The following PRKCE variants were observed in gnomAD, a reference collection of about 807,000 sequenced individuals.
The protein encoded by PRKCE is protein kinase C epsilon type.
A neutral mutation model predicts 85.4 loss-of-function variants in PRKCE; 16 were observed. That is an observed-to-expected ratio of 0.19 (90% CI 0.13 to 0.28). The LOEUF (loss-of-function observed/expected upper bound fraction) is 0.28, where lower values mean the gene tolerates loss of function less well. Ranked by LOEUF, PRKCE falls within the 10% of genes least tolerant of loss-of-function variation. The pLI is 1.00. For synonymous variants in PRKCE, 388 were observed against 371.5 expected (o/e 1.04, Z -0.51); for missense variants, 573 against 975.2 (o/e 0.59, Z 5.49).
intron 1 of PRKCE, among the ~76,000 whole-genome samples, chr2:45,704,326 A>T (rs78067594): frequency 0.022 from 3,301 of 152,142 alleles, 44 homozygotes; most frequent in Non-Finnish European, 0.036. Context: ...TTGTCCCCTG[A>T]ATATTCTGTA....
chr2:46,161,785 G>A (rs1181787335), intron 14 of PRKCE, among the ~76,000 whole-genome samples: 1 of 152,098 alleles, frequency 6.6e-6, no homozygotes, highest in African/African-American at 2.4e-5. Context: ...CTCTCCCTGA[G>A]GTATAGCAGA....
At chr2:45,987,416 C>T (rs1489427738) in intron 6 of PRKCE, among the ~76,000 whole-genome samples, 1 of 152,194 alleles carries the variant, frequency 6.6e-6, no homozygotes, top group Non-Finnish European at 1.5e-5. Flanking sequence ...TATTACTTGG[C>T]CTTTTTTTCC....
In PRKCE at chr2:45,698,275, A is replaced by G. The variant is rs542620525; in HGVS notation, c.348+45827A>G. Among the ~76,000 whole-genome samples the G allele has an allele frequency of 2.2e-4, 34 of 152,304 alleles. 1 individual carries two copies. The highest frequency in any genetic ancestry group is 7.5e-4 in the African/African-American group (31 of 41,556). On this transcript the variant is annotated intron_variant, in intron 1 of 14. Coordinates refer to ENST00000306156, the MANE Select transcript of PRKCE (RefSeq NM_005400.3). Reference sequence around the variant, plus strand: ...GGTGGTAGGTGAATTTGGTGGAATCATTTTCTACCAGCATCCTAAAATCAT... The same window carrying G: ...GGTGGTAGGTGAATTTGGTGGAATCGTTTTCTACCAGCATCCTAAAATCAT...
intron 1 of PRKCE, chr2:45,770,660 G>T (rs548547509): frequency 2.2e-4 from 33 of 152,336 alleles, no homozygotes; most frequent in African/African-American, 7.2e-4. Context: ...GGTGGATGAT[G>T]AAATTGAGAC....
chr2:45,955,918 T>C (rs570660920), intron 2 of PRKCE, among the ~76,000 whole-genome samples: 49 of 152,196 alleles, frequency 3.2e-4, no homozygotes, highest in Non-Finnish European at 5.7e-4. Context: ...ATAGAATAGT[T>C]CCATCACCTC....
intron 2 of PRKCE, among the ~76,000 whole-genome samples, chr2:45,963,176 G>C (rs532101330): frequency 6.6e-6 from 1 of 152,222 alleles, no homozygotes; most frequent in South Asian, 2.1e-4. Flanking sequence ...TTCCTGATCA[G>C]TAGGAACCAA....
chr2:45,661,530 GT>G lies in PRKCE; in HGVS notation c.348+9099del, dbSNP rs11406618. Among the ~76,000 whole-genome samples, 372 of 104,852 alleles carry G rather than the reference GT, an allele frequency of 3.5e-3. 4 individuals carry two copies. The highest frequency in any genetic ancestry group is 0.011 in the African/African-American group (314 of 28,472). The allele number at this position is 104,852 out of a possible 152,430, so 68.8% of individuals were successfully genotyped here. On this transcript the variant is annotated intron_variant, in intron 1 of 14. Transcript: ENST00000306156. The stretch of plus-strand genomic sequence containing the variant: ...TGTTTTGTTTTGTTTTTTGTTTTTT[GT>G]TTTTTTTTTTTTTTTTAGAAGGAGT...
At chr2:46,053,608 C>G (rs1297591298) in intron 10 of PRKCE, among the ~76,000 whole-genome samples, 2 of 152,184 alleles carry the variant, frequency 1.3e-5, no homozygotes, top group Non-Finnish European at 2.9e-5. Context: ...CAGTATCTAT[C>G]TTTTTGTGTC....
chr2:45,691,171 A>G (rs899045946), intron 1 of PRKCE, among the ~76,000 whole-genome samples: 1 of 152,212 alleles, frequency 6.6e-6, no homozygotes, highest in African/African-American at 2.4e-5. Flanking sequence ...TGTGTCCGTC[A>G]GTGGGCTGGG....
chr2:45,839,796 C>CCT (rs1484552592), intron 1 of PRKCE, among the ~76,000 whole-genome samples: 1 of 152,262 alleles, frequency 6.6e-6, no homozygotes, highest in Non-Finnish European at 1.5e-5. Context: ...CTCAGAGCTT[C>CCT]CTCGCTTGGC....
chr2:45,852,944 A>G (rs1692390913), intron 2 of PRKCE, among the ~76,000 whole-genome samples: 1 of 152,138 alleles, frequency 6.6e-6, no homozygotes, highest in Non-Finnish European at 1.5e-5. Context: ...CTCCCAGGAG[A>G]TGTCTGTGCT....
intron 1 of PRKCE, among the ~76,000 whole-genome samples, chr2:45,719,167 G>T (rs554597794): frequency 1.8e-4 from 28 of 152,354 alleles, no homozygotes; most frequent in Non-Finnish European, 3.7e-4. Context: ...CTGTCATCCT[G>T]TGCTTGGGGA....
chr2:45,971,206 C>G (rs1376165115), intron 2 of PRKCE, among the ~76,000 whole-genome samples: 1 of 152,188 alleles, frequency 6.6e-6, no homozygotes, highest in African/African-American at 2.4e-5. Flanking sequence ...CACCACCATT[C>G]TGCTCTCTTG....
chr2:46,163,935 G>T (rs1172809366), intron 14 of PRKCE, among the ~76,000 whole-genome samples: 3 of 150,516 alleles, frequency 2.0e-5, no homozygotes, highest in Non-Finnish European at 3.0e-5. Flanking sequence ...GGAAGCTGAG[G>T]CGCACCCCAC....
chr2:45,960,507 C>G (rs889744969), intron 2 of PRKCE, among the ~76,000 whole-genome samples: 3 of 152,116 alleles, frequency 2.0e-5, no homozygotes, highest in African/African-American at 7.2e-5. Context: ...TAAGAAGCCC[C>G]CAACCTAGAT....
chr2:46,063,502 C>T (rs897042964), intron 10 of PRKCE, among the ~76,000 whole-genome samples: 2 of 152,160 alleles, frequency 1.3e-5, no homozygotes, highest in Non-Finnish European at 2.9e-5. Flanking sequence ...CTTTTGAGCA[C>T]AGACTCCCAG....
intron 1 of PRKCE, among the ~76,000 whole-genome samples, chr2:45,762,058 C>G (rs1260170917): frequency 6.6e-6 from 1 of 152,184 alleles, no homozygotes; most frequent in Non-Finnish European, 1.5e-5. Flanking sequence ...TTGGCGTGCA[C>G]CATTCAGCCA....
At chr2:45,868,697 C>T (rs1693826329) in intron 2 of PRKCE, among the ~76,000 whole-genome samples, 1 of 149,952 alleles carries the variant, frequency 6.7e-6, no homozygotes, top group South Asian at 2.1e-4. Flanking sequence ...CTTTGGGAGG[C>T]AGGCCGAGGT....
intron 2 of PRKCE, among the ~76,000 whole-genome samples, chr2:45,896,808 G>T (rs1008494292): frequency 6.6e-6 from 1 of 152,176 alleles, no homozygotes; most frequent in Non-Finnish European, 1.5e-5. Flanking sequence ...ATGACTGAGG[G>T]TACCGTGGCT....
Sources: allele counts gnomAD v4.1 joint callset (sites outside exome capture counted in the v4.1 genomes callset), GRCh38; gene constraint gnomAD v4.1.1; transcripts MANE v1.5; gene names NCBI Gene and HGNC (gene_info 2026-07-23, HGNC 2026-07-21).